The following NEK7 variants were observed in gnomAD, a reference collection of about 807,000 sequenced individuals.
NEK7 encodes the protein serine/threonine-protein kinase Nek7.
A neutral mutation model predicts 44.6 loss-of-function variants in NEK7; 18 were observed. The observed-to-expected ratio is 0.40, with a 90% CI of 0.28 to 0.60. NEK7 has a LOEUF of 0.60. Among genes scored for constraint, NEK7 ranks in the 20% least tolerant of loss-of-function variants. The pLI is 0.38. For missense variants in NEK7, 256 were observed against 366.5 expected (o/e 0.70, Z 2.46); for synonymous variants, 130 against 121.1 (o/e 1.07, Z -0.48).
chr1:198,271,926 C>CTAT lies in NEK7; in HGVS notation c.373-6035_373-6034insTAT, dbSNP rs1558088716. Among the ~76,000 whole-genome samples the CTAT allele has an allele frequency of 4.2e-3, 604 of 142,598 alleles. 2 individuals carry two copies. Among genetic ancestry groups the CTAT allele is most frequent in the African/African-American group, 0.014 (563 of 39,482 alleles). The allele number at this position is 142,598 out of a possible 152,430, so 93.5% of individuals were successfully genotyped here. On this transcript the variant is annotated intron_variant, in intron 5 of 9. Coordinates refer to ENST00000367385, the MANE Select transcript of NEK7 (RefSeq NM_133494.3). ...TATTTTATATATATATATATATATA[C>CTAT]ACACACACACACACACATAGATACA...
intron 2 of NEK7, among the ~76,000 whole-genome samples, chr1:198,241,177 T>C (rs1228195091): frequency 6.6e-6 from 1 of 152,210 alleles, no homozygotes; most frequent in African/African-American, 2.4e-5. Flanking sequence ...TCAGTGGTAT[T>C]TACATTTAGG....
At chr1:198,290,420 A>G (rs1320372270) in intron 7 of NEK7, among the ~76,000 whole-genome samples, 1 of 152,204 alleles carries the variant, frequency 6.6e-6, no homozygotes, top group Admixed American at 6.5e-5. Flanking sequence ...CACTGCATTT[A>G]AATGTACTGC....
At chr1:198,280,008 T>C (rs1162687913) in intron 7 of NEK7, among the ~76,000 whole-genome samples, 1 of 152,088 alleles carries the variant, frequency 6.6e-6, no homozygotes, top group Non-Finnish European at 1.5e-5. Context: ...TTTAACAGGA[T>C]TTCAATTTTG....
At chr1:198,166,055 C>T (rs73075156) in intron 1 of NEK7, among the ~76,000 whole-genome samples, 3,604 of 152,310 alleles carry the variant, frequency 0.024, 65 homozygotes, top group East Asian at 0.051. Context: ...TCAGCCTTCA[C>T]AGAGCTGAAG....
At chr1:198,187,597 G>A (rs774991094) in intron 1 of NEK7, among the ~76,000 whole-genome samples, 3 of 152,126 alleles carry the variant, frequency 2.0e-5, no homozygotes, top group Non-Finnish European at 4.4e-5. Context: ...CATACCAGGT[G>A]TCATTAGTTT....
intron 2 of NEK7, among the ~76,000 whole-genome samples, chr1:198,236,469 G>A (rs1666547428): frequency 6.6e-6 from 1 of 152,146 alleles, no homozygotes; most frequent in African/African-American, 2.4e-5. Context: ...ATGCTGCTCA[G>A]CAATCATCCT....
At chr1:198,198,082 G>T in intron 1 of NEK7, 1 of 1,442,154 alleles carries the variant, frequency 6.9e-7, no homozygotes, top group Non-Finnish European at 9.3e-7. Context: ...CTTGGGGAAA[G>T]GGTGGATTGA....
chr1:198,281,632 A>T (rs2102987377), intron 7 of NEK7, among the ~76,000 whole-genome samples: 1 of 152,252 alleles, frequency 6.6e-6, no homozygotes, highest in East Asian at 1.9e-4. Context: ...GGATTTTAAA[A>T]ACATCTTATG....
intron 7 of NEK7, among the ~76,000 whole-genome samples, chr1:198,290,748 A>G (rs1421862306): frequency 6.6e-6 from 1 of 152,216 alleles, no homozygotes; most frequent in African/African-American, 2.4e-5. Context: ...ACATTTTAAT[A>G]TATACTAACG....
chr1:198,278,698 A>G (rs974652438), intron 6 of NEK7, among the ~76,000 whole-genome samples: 1 of 151,852 alleles, frequency 6.6e-6, no homozygotes, highest in African/African-American at 2.4e-5. Flanking sequence ...TGAAAATGGA[A>G]AACAAAATGC....
At chr1:198,291,846 T>C (rs1369716783) in intron 7 of NEK7, among the ~76,000 whole-genome samples, 1 of 152,132 alleles carries the variant, frequency 6.6e-6, no homozygotes, top group East Asian at 1.9e-4. Flanking sequence ...AACTGACTCC[T>C]GCCTTTGAGT....
At chr1:198,162,506 C>T (rs1664139950) in intron 1 of NEK7, among the ~76,000 whole-genome samples, 1 of 152,164 alleles carries the variant, frequency 6.6e-6, no homozygotes. Context: ...CATAAAGTTG[C>T]CTTGAGGAGT....
At chr1:198,242,481 T>G (rs1461324863) in intron 2 of NEK7, among the ~76,000 whole-genome samples, 1 of 150,428 alleles carries the variant, frequency 6.6e-6, no homozygotes, top group African/African-American at 2.4e-5. Flanking sequence ...CACTTTTTTT[T>G]TTTTTTTTTG....
At chr1:198,159,180 G>T (rs1664018428) in intron 1 of NEK7, among the ~76,000 whole-genome samples, 1 of 152,302 alleles carries the variant, frequency 6.6e-6, no homozygotes. Context: ...CCAGGACCTC[G>T]CGTTCGGGAG....
intron 5 of NEK7, among the ~76,000 whole-genome samples, 157 bp downstream of exon 5, chr1:198,264,392 A>AG (rs1180675919): frequency 6.1e-5 from 7 of 114,280 alleles, no homozygotes; most frequent in African/African-American, 1.8e-4. Flanking sequence ...GTTAGTGATC[A>AG]TAATTCTGAA....
intron 3 of NEK7, among the ~76,000 whole-genome samples, chr1:198,258,070 G>C (rs1394410657): frequency 3.3e-5 from 5 of 152,192 alleles, no homozygotes; most frequent in Non-Finnish European, 7.3e-5. Context: ...TGCAGCAAAG[G>C]CCTCTCCGAG....
At chr1:198,316,893 G>A (rs968606155) in intron 9 of NEK7, among the ~76,000 whole-genome samples, 3 of 152,194 alleles carry the variant, frequency 2.0e-5, no homozygotes, top group East Asian at 3.8e-4. Flanking sequence ...TGGACAACAA[G>A]CCTTCCCTTG....
At chr1:198,229,336 T>C (rs1030001430) in intron 1 of NEK7, among the ~76,000 whole-genome samples, 7 of 152,200 alleles carry the variant, frequency 4.6e-5, no homozygotes, top group Admixed American at 2.6e-4. Flanking sequence ...ATCCTTATGC[T>C]TTGTAATATT....
intron 1 of NEK7, among the ~76,000 whole-genome samples, chr1:198,213,365 A>T (rs916945076): frequency 5.3e-5 from 8 of 152,190 alleles, no homozygotes; most frequent in Non-Finnish European, 8.8e-5. Context: ...CTGCAGCTCT[A>T]CCCCAACAGT....
Sources: gnomAD v4.1 joint callset for allele counts (sites outside exome capture counted in the v4.1 genomes callset) on GRCh38, gnomAD v4.1.1 for gene constraint, MANE v1.5 for transcripts, NCBI Gene and HGNC (gene_info 2026-07-23, HGNC 2026-07-21) for gene names.